The following ADGRL2 variants were observed in gnomAD, a reference collection of about 807,000 sequenced individuals.
ADGRL2 encodes the protein adhesion G protein-coupled receptor L2.
ADGRL2 carries 44 observed loss-of-function variants against 157.4 expected under a neutral mutation model. The ratio of observed to expected loss-of-function variants is 0.28; its 90% CI spans 0.22 to 0.36. The LOEUF (loss-of-function observed/expected upper bound fraction) is 0.36. Among genes scored for constraint, ADGRL2 ranks in the 10% least tolerant of loss-of-function variants. The pLI, the probability that ADGRL2 is intolerant of heterozygous loss-of-function variation, is 1.00. For synonymous variants in ADGRL2, 585 were observed against 624.7 expected (o/e 0.94, Z 0.95); for missense variants, 1,510 against 1,768.9 (o/e 0.85, Z 2.63).
chr1:81,741,883 C>A (rs2085084215), intron 1 of ADGRL2, among the ~76,000 whole-genome samples: 2 of 151,778 alleles, frequency 1.3e-5, no homozygotes, highest in Admixed American at 6.6e-5. Flanking sequence ...AAGGAAACTG[C>A]AAACTTTGCC....
chr1:81,863,986 G>A (rs149469803), intron 2 of ADGRL2, among the ~76,000 whole-genome samples: 4 of 152,262 alleles, frequency 2.6e-5, no homozygotes, highest in Admixed American at 1.3e-4. Flanking sequence ...CTGATATTAA[G>A]TGGTAATCTA....
intron 1 of ADGRL2, among the ~76,000 whole-genome samples, chr1:81,356,587 G>T (rs943863973): frequency 6.6e-6 from 1 of 152,132 alleles, no homozygotes; most frequent in African/African-American, 2.4e-5. Context: ...ATGTACTCAA[G>T]ACTCTTCTGA....
intron 2 of ADGRL2, among the ~76,000 whole-genome samples, chr1:81,461,728 G>GT (rs1328828611): frequency 6.6e-6 from 1 of 152,126 alleles, no homozygotes; most frequent in African/African-American, 2.4e-5. Context: ...CTCTGAAGCA[G>GT]TAATTCATCA....
At position 81,483,037 on chromosome 1, in the gene ADGRL2, A is replaced by G. The variant is rs60211229; in HGVS notation, c.-248+37948A>G. 8.7e-3 allele frequency among the ~76,000 whole-genome samples: 1,324 copies of G among 152,168 alleles called. 23 individuals are homozygous for G. Among genetic ancestry groups the G allele is most frequent in the African/African-American group, 0.03 (1,227 of 41,522 alleles). On this transcript the variant is annotated intron_variant, in intron 2 of 24. Transcript: ENST00000370721. ...TTTTTTATTTAATTTGTTCCTAAACATGCTATAGAAAGTTGACAACTGCGT... is the reference window on the plus strand; with the variant it reads ...TTTTTTATTTAATTTGTTCCTAAACGTGCTATAGAAAGTTGACAACTGCGT...
chr1:81,606,329 G>C (rs750815525), intron 3 of ADGRL2, among the ~76,000 whole-genome samples: 1 of 152,124 alleles, frequency 6.6e-6, no homozygotes, highest in African/African-American at 2.4e-5. Flanking sequence ...TGATCTTTCT[G>C]TAATGCATAG....
intron 2 of ADGRL2, among the ~76,000 whole-genome samples, chr1:81,510,869 A>T (rs1290380179): frequency 1.3e-5 from 2 of 152,212 alleles, no homozygotes; most frequent in South Asian, 2.1e-4. Flanking sequence ...CAAGGAAAAA[A>T]ATAGCCTTCT....
At chr1:81,956,171 C>A in intron 11 of ADGRL2, 111 bp downstream of exon 11, 1 of 789,228 alleles carries the variant, frequency 1.3e-6, no homozygotes, top group Non-Finnish European at 1.8e-6. Context: ...CTTTTTTTGT[C>A]AAATTATTTT....
At chr1:81,822,764 T>C (rs527662591) in intron 1 of ADGRL2, among the ~76,000 whole-genome samples, 2 of 152,292 alleles carry the variant, frequency 1.3e-5, no homozygotes, top group South Asian at 4.1e-4. Flanking sequence ...TTTGAAATTA[T>C]TATAAATTGT....
intron 1 of ADGRL2, among the ~76,000 whole-genome samples, chr1:81,340,768 A>G (rs1439843079): frequency 1.3e-5 from 2 of 152,140 alleles, no homozygotes; most frequent in African/African-American, 4.8e-5. Flanking sequence ...AGGAGAGGAA[A>G]TGTATGCTCC....
chr1:81,697,956 T>A (rs1469155368), upstream of ADGRL2, among the ~76,000 whole-genome samples: 2 of 152,168 alleles, frequency 1.3e-5, no homozygotes, highest in Non-Finnish European at 2.9e-5. Flanking sequence ...AAATAGTGCA[T>A]TCAGTTCTGA....
At position 81,760,821 on chromosome 1, in the gene ADGRL2, A is replaced by C. The variant is rs572130718; in HGVS notation, c.-142-990A>C. 2.0e-5 allele frequency among the ~76,000 whole-genome samples: 3 copies of C among 151,938 alleles called. No homozygotes were observed. The South Asian group carries it at 6.2e-4, about 32-fold the overall frequency. On this transcript the variant is annotated intron_variant, in intron 1 of 20. Coordinates refer to the ADGRL2 transcript ENST00000359929. Reference sequence around the variant, plus strand: ...GTAAAATAAAGTATTTCTGTGTTTAAATTTTTTTTACATTAAGAGCTTGCA... The same window carrying C: ...GTAAAATAAAGTATTTCTGTGTTTACATTTTTTTTACATTAAGAGCTTGCA...
At chr1:81,942,191 T>G in intron 5 of ADGRL2, 146 bp downstream of exon 5, 2 of 450,684 alleles carry the variant, frequency 4.4e-6, no homozygotes, top group Non-Finnish European at 8.1e-6. Context: ...GTCAACTGTT[T>G]ACAATGAAAT....
At chr1:81,724,773 C>A (rs2084456203) in intron 1 of ADGRL2, among the ~76,000 whole-genome samples, 1 of 152,218 alleles carries the variant, frequency 6.6e-6, no homozygotes, top group Admixed American at 6.5e-5. Flanking sequence ...GAGTACATTT[C>A]TAAAACAGCA....
chr1:81,487,606 C>G (rs2078536217), intron 2 of ADGRL2, among the ~76,000 whole-genome samples: 1 of 151,786 alleles, frequency 6.6e-6, no homozygotes, highest in Admixed American at 6.6e-5. Context: ...GATGGCGCCA[C>G]TGAACTCCAG....
intron 1 of ADGRL2, among the ~76,000 whole-genome samples, chr1:81,353,257 G>C (rs193148436): frequency 3.2e-4 from 49 of 152,260 alleles, no homozygotes; most frequent in Middle Eastern, 3.4e-3. Flanking sequence ...TCGGATCCTT[G>C]CTTGACAGAT....
At chr1:81,399,307 C>A (rs114546327) in intron 1 of ADGRL2, among the ~76,000 whole-genome samples, 1 of 152,138 alleles carries the variant, frequency 6.6e-6, no homozygotes, top group African/African-American at 2.4e-5. Context: ...AAATCCAAAC[C>A]ATATCAATAT....
At chr1:81,359,137 T>G (rs771527988) in intron 1 of ADGRL2, among the ~76,000 whole-genome samples, 20 of 151,996 alleles carry the variant, frequency 1.3e-4, no homozygotes, top group Non-Finnish European at 2.5e-4. Context: ...TATGGAAGCA[T>G]GAAACATGCA....
intron 1 of ADGRL2, among the ~76,000 whole-genome samples, chr1:81,395,855 T>C (rs1009880983): frequency 6.6e-6 from 1 of 152,212 alleles, no homozygotes; most frequent in African/African-American, 2.4e-5. Context: ...TAGCCGTAAA[T>C]ATGTGAATTT....
At chr1:81,954,826 CT>C (rs893186536) in intron 10 of ADGRL2, among the ~76,000 whole-genome samples, 7 of 152,210 alleles carry the variant, frequency 4.6e-5, no homozygotes, top group African/African-American at 1.4e-4. Flanking sequence ...ACTTTCCCCC[CT>C]GTTCATATAG....
Sources: gnomAD v4.1 joint callset for allele counts (sites outside exome capture counted in the v4.1 genomes callset) on GRCh38, gnomAD v4.1.1 for gene constraint, MANE v1.5 for transcripts, NCBI Gene and HGNC (gene_info 2026-07-23, HGNC 2026-07-21) for gene names.